IL1RAPL1: variants seen among roughly 807,000 people sequenced by gnomAD.
The protein encoded by IL1RAPL1 is interleukin 1 receptor accessory protein like 1.
IL1RAPL1 carries 3 observed loss-of-function variants against 48.4 expected under a neutral mutation model. The ratio of observed to expected loss-of-function variants is 0.06; its 90% CI spans 0.03 to 0.16. IL1RAPL1 has a LOEUF of 0.16. Among genes scored for constraint, IL1RAPL1 ranks in the 10% least tolerant of loss-of-function variants. The pLI is 1.00. For synonymous variants in IL1RAPL1, 185 were observed against 187.7 expected (o/e 0.99, Z 0.12); for missense variants, 349 against 530.6 (o/e 0.66, Z 3.36).
At chrX:29,527,359 G>A (rs142611555) in intron 5 of IL1RAPL1, among the ~76,000 whole-genome samples, 45 of 10,262 alleles carry the variant, frequency 4.4e-3, no homozygotes, top group African/African-American at 0.014. Flanking sequence ...TTTTTTTTGA[G>A]ACGGAGTCTT....
chrX:29,776,685 T>C (rs1929206220), intron 6 of IL1RAPL1, among the ~76,000 whole-genome samples: 1 of 111,921 alleles, frequency 8.9e-6, no homozygotes, highest in African/African-American at 3.2e-5. Flanking sequence ...AAGAAAGTAA[T>C]TTAGACTATT....
intron 1 of IL1RAPL1, among the ~76,000 whole-genome samples, chrX:28,719,779 G>C (rs187710795): frequency 1.7e-4 from 19 of 111,036 alleles, no homozygotes; most frequent in African/African-American, 5.9e-4. Flanking sequence ...TCTTGTTGCT[G>C]CCAAGTGGAG....
At chrX:29,655,520 A>G (rs1019623308) in intron 5 of IL1RAPL1, among the ~76,000 whole-genome samples, 1 of 109,703 alleles carries the variant, frequency 9.1e-6, no homozygotes, top group African/African-American at 3.3e-5. Context: ...AAAGTTATCC[A>G]GGCGTGGTGG....
chrX:29,883,085 A>G (rs1932063518), intron 6 of IL1RAPL1, among the ~76,000 whole-genome samples: 1 of 111,986 alleles, frequency 8.9e-6, no homozygotes, highest in Non-Finnish European at 1.9e-5. Context: ...CATTCTTCAA[A>G]GTAGTTATCC....
intron 2 of IL1RAPL1, among the ~76,000 whole-genome samples, chrX:29,050,899 G>A (rs1927078540): frequency 8.9e-6 from 1 of 112,249 alleles, no homozygotes; most frequent in African/African-American, 3.2e-5. Context: ...GATAGTCTCT[G>A]CATGTTTGAG....
At chrX:28,814,341 T>TTG (rs753090480) in intron 2 of IL1RAPL1, among the ~76,000 whole-genome samples, 15,638 of 89,497 alleles carry the variant, frequency 0.17, 1,316 homozygotes, top group East Asian at 0.29. Flanking sequence ...ATTTTCAGGT[T>TTG]TGTGTGTGTG....
chrX:29,203,714 C>T (rs1325352901), intron 2 of IL1RAPL1, among the ~76,000 whole-genome samples: 9 of 84,011 alleles, frequency 1.1e-4, no homozygotes, highest in African/African-American at 3.2e-4. Context: ...AGCAAAACTC[C>T]GTCTCAAAAT....
intron 5 of IL1RAPL1, among the ~76,000 whole-genome samples, chrX:29,568,630 G>A (rs1252303568): frequency 9.0e-6 from 1 of 110,767 alleles, no homozygotes. Context: ...ATTCTCAAGT[G>A]GGCCTATTTA....
chrX:29,302,119 T>C (rs1275321435), intron 3 of IL1RAPL1, among the ~76,000 whole-genome samples: 1 of 111,946 alleles, frequency 8.9e-6, no homozygotes, highest in Non-Finnish European at 1.9e-5. Context: ...TCTTAGGACC[T>C]GAAGACAGTG....
chrX:29,750,130 T>C (rs1469676507), intron 6 of IL1RAPL1, among the ~76,000 whole-genome samples: 2 of 112,267 alleles, frequency 1.8e-5, no homozygotes, highest in African/African-American at 6.5e-5. Context: ...TATGTGTCAC[T>C]TTCCCTTTGA....
intron 6 of IL1RAPL1, among the ~76,000 whole-genome samples, chrX:29,754,778 C>T (rs1928570301): frequency 8.9e-6 from 1 of 112,966 alleles, no homozygotes; most frequent in South Asian, 3.6e-4. Flanking sequence ...ACACAATTCT[C>T]ACTGCTTATA....
chrX:28,864,988 A>G (rs1291999982), intron 2 of IL1RAPL1, among the ~76,000 whole-genome samples: 1 of 111,938 alleles, frequency 8.9e-6, no homozygotes, highest in Non-Finnish European at 1.9e-5. Flanking sequence ...GTGATTCAGG[A>G]TACATGCCAA....
intron 6 of IL1RAPL1, among the ~76,000 whole-genome samples, chrX:29,728,030 C>T (rs1277655220): frequency 4.5e-5 from 5 of 110,828 alleles, no homozygotes; most frequent in South Asian, 3.9e-4. Context: ...CTCCGCCTCC[C>T]GGGTTCACGC....
chrX:29,449,523 A>G (rs1195106256), intron 5 of IL1RAPL1, among the ~76,000 whole-genome samples: 1 of 110,807 alleles, frequency 9.0e-6, no homozygotes, highest in Non-Finnish European at 1.9e-5. Flanking sequence ...GATTATTTTC[A>G]TCATACCCAC....
At chrX:29,413,355 C>CT (rs938498854) in intron 5 of IL1RAPL1, among the ~76,000 whole-genome samples, 1 of 111,033 alleles carries the variant, frequency 9.0e-6, no homozygotes, top group Non-Finnish European at 1.9e-5. Flanking sequence ...TATTTATAAT[C>CT]TTTTTTTTAT....
At chrX:29,140,711 C>G (rs1424219140) in intron 2 of IL1RAPL1, among the ~76,000 whole-genome samples, 1 of 111,858 alleles carries the variant, frequency 8.9e-6, no homozygotes, top group Non-Finnish European at 1.9e-5. Flanking sequence ...AGTCCAAGAT[C>G]AAGTCACCAT....
At chrX:29,888,573 T>G (rs1932214886) in intron 6 of IL1RAPL1, among the ~76,000 whole-genome samples, 1 of 111,296 alleles carries the variant, frequency 9.0e-6, no homozygotes, top group Admixed American at 9.6e-5. Context: ...GCTATCATTC[T>G]TCAGCTCTGC....
At chrX:29,939,154 C>T (rs182405933) in intron 8 of IL1RAPL1, among the ~76,000 whole-genome samples, 1 of 111,783 alleles carries the variant, frequency 8.9e-6, no homozygotes, top group Admixed American at 9.5e-5. Context: ...TTAGAAATTA[C>T]CCCAAAGTTT....
intron 6 of IL1RAPL1, among the ~76,000 whole-genome samples, chrX:29,808,979 T>G (rs1384299585): frequency 1.8e-5 from 2 of 111,796 alleles, no homozygotes; most frequent in Non-Finnish European, 3.8e-5. Flanking sequence ...TGATATTTGC[T>G]TTGTTCCTGT....
Sources: gnomAD v4.1 joint callset for allele counts (sites outside exome capture counted in the v4.1 genomes callset) on GRCh38, gnomAD v4.1.1 for gene constraint, MANE v1.5 for transcripts, NCBI Gene and HGNC (gene_info 2026-07-23, HGNC 2026-07-21) for gene names.